The following CACNA2D3 variants were observed in gnomAD, a reference collection of about 807,000 sequenced individuals.
CACNA2D3 encodes calcium voltage-gated channel auxiliary subunit alpha2delta 3, also known as voltage-dependent calcium channel subunit alpha-2/delta-3.
CACNA2D3 carries 60 observed loss-of-function variants against 160.6 expected under a neutral mutation model. The observed-to-expected ratio is 0.37, with a 90% CI of 0.30 to 0.46. The LOEUF (loss-of-function observed/expected upper bound fraction) is 0.46. CACNA2D3 is among the 20% of genes least tolerant of loss of function. CACNA2D3 has a pLI of 1.00. For missense variants in CACNA2D3, 1,205 were observed against 1,365.0 expected, an observed-to-expected ratio of 0.88 and a Z score of 1.85; for synonymous variants, 558 against 492.9, an observed-to-expected ratio of 1.13 and a Z score of -1.75.
intron 27 of CACNA2D3, among the ~76,000 whole-genome samples, chr3:54,940,016 A>G (rs1701427813): frequency 1.3e-5 from 2 of 151,838 alleles, no homozygotes; most frequent in South Asian, 2.1e-4. Flanking sequence ...GCAGATGAGC[A>G]TCTCAGAAAG....
At chr3:54,925,203 A>C in intron 27 of CACNA2D3, 1 of 1,611,550 alleles carries the variant, frequency 6.2e-7, no homozygotes, top group Non-Finnish European at 8.5e-7. Flanking sequence ...ACTGGAAAAC[A>C]GGAGCAGTTC....
intron 13 of CACNA2D3, among the ~76,000 whole-genome samples, chr3:54,800,665 C>T (rs1702964123): frequency 1.3e-5 from 2 of 152,186 alleles, no homozygotes; most frequent in Admixed American, 1.3e-4. Flanking sequence ...CATTTTTCAG[C>T]ATCTCAAAGA....
intron 34 of CACNA2D3, among the ~76,000 whole-genome samples, chr3:55,017,331 G>A (rs1375041273): frequency 6.6e-6 from 1 of 152,154 alleles, no homozygotes; most frequent in Non-Finnish European, 1.5e-5. Flanking sequence ...TTACTTCAGA[G>A]CCTTCACCCT....
intron 2 of CACNA2D3, among the ~76,000 whole-genome samples, chr3:54,142,363 G>C (rs1699953185): frequency 6.6e-6 from 1 of 152,164 alleles, no homozygotes; most frequent in Non-Finnish European, 1.5e-5. Context: ...GAGCTTTTCA[G>C]TTCCTGCTAT....
intron 5 of CACNA2D3, among the ~76,000 whole-genome samples, chr3:54,507,846 T>C (rs1701396689): frequency 6.6e-6 from 1 of 152,158 alleles, no homozygotes; most frequent in Admixed American, 6.5e-5. Context: ...GTTTTCCTCA[T>C]CCCTAAGCTG....
Position 54,163,807 on chromosome 3 carries a change from C to T in CACNA2D3, c.204+40213C>T, listed in dbSNP as rs184016638. On this transcript the variant is annotated intron_variant, in intron 2 of 37. Transcript: ENST00000474759. Reference sequence around the variant, plus strand: ...TCCCCAGAGTGACGGCATGCGGAGGCGTCAATGCATCTACCTCCAGCACAC... The same window carrying T: ...TCCCCAGAGTGACGGCATGCGGAGGTGTCAATGCATCTACCTCCAGCACAC... Among the ~76,000 whole-genome samples the T allele has an allele frequency of 8.0e-4, 122 of 152,240 alleles. 3 individuals carry two copies. In the South Asian group the frequency reaches 0.024, roughly 30 times the overall value.
chr3:54,719,519 A>G (rs1268817548), intron 11 of CACNA2D3, among the ~76,000 whole-genome samples: 3 of 152,062 alleles, frequency 2.0e-5, no homozygotes, highest in Non-Finnish European at 2.9e-5. Flanking sequence ...TTGTCATAAT[A>G]TATTAAACTT....
intron 17 of CACNA2D3, among the ~76,000 whole-genome samples, chr3:54,871,158 T>C (rs1699517931): frequency 6.9e-6 from 1 of 144,716 alleles, no homozygotes; most frequent in African/African-American, 2.6e-5. Flanking sequence ...TTTACATTGT[T>C]TACATGTATA....
At chr3:55,011,540 T>C (rs776279901) in intron 34 of CACNA2D3, among the ~76,000 whole-genome samples, 2 of 151,744 alleles carry the variant, frequency 1.3e-5, no homozygotes, top group African/African-American at 2.4e-5. Flanking sequence ...AAAATGATTC[T>C]GTTTCTGAAA....
intron 3 of CACNA2D3, among the ~76,000 whole-genome samples, chr3:54,385,649 T>C (rs1329506866): frequency 6.6e-6 from 1 of 152,204 alleles, no homozygotes; most frequent in Non-Finnish European, 1.5e-5. Flanking sequence ...TACCCGAATG[T>C]ATTTCAGCCT....
At chr3:54,863,721 TTA>T (rs750742754) in intron 17 of CACNA2D3, among the ~76,000 whole-genome samples, 10 of 150,954 alleles carry the variant, frequency 6.6e-5, no homozygotes, top group Admixed American at 1.3e-4. Context: ...TTGTTTTTTT[TTA>T]AAAAAAAAAT....
chr3:55,033,833 T>TTTA (rs1703748710), intron 35 of CACNA2D3, among the ~76,000 whole-genome samples: 1 of 111,688 alleles, frequency 9.0e-6, no homozygotes, highest in African/African-American at 4.2e-5. Flanking sequence ...ATATTTAATA[T>TTTA]ATAATATATA....
At chr3:55,058,181 G>A (rs927257936) in intron 35 of CACNA2D3, among the ~76,000 whole-genome samples, 1 of 152,178 alleles carries the variant, frequency 6.6e-6, no homozygotes, top group Non-Finnish European at 1.5e-5. Flanking sequence ...GAATTATTTG[G>A]AGCATTGATT....
intron 3 of CACNA2D3, among the ~76,000 whole-genome samples, chr3:54,336,512 A>T (rs1476170015): frequency 6.6e-6 from 1 of 152,134 alleles, no homozygotes; most frequent in African/African-American, 2.4e-5. Context: ...TACCTGTGGG[A>T]GCCCAAGGGT....
intron 31 of CACNA2D3, among the ~76,000 whole-genome samples, chr3:54,990,593 T>C (rs1322626441): frequency 1.3e-5 from 2 of 152,076 alleles, no homozygotes; most frequent in African/African-American, 2.4e-5. Context: ...CAAACCATCT[T>C]CTCCAGAAAG....
chr3:54,791,417 C>G (rs1269307612), intron 13 of CACNA2D3, among the ~76,000 whole-genome samples: 1 of 152,186 alleles, frequency 6.6e-6, no homozygotes, highest in Admixed American at 6.5e-5. Context: ...GAAATGCAAG[C>G]TAAGTTCATA....
intron 2 of CACNA2D3, among the ~76,000 whole-genome samples, chr3:54,230,019 G>A (rs1701740684): frequency 6.6e-6 from 1 of 151,974 alleles, no homozygotes; most frequent in African/African-American, 2.4e-5. Flanking sequence ...AAAATGTTAT[G>A]CAAGTAGGAA....
At chr3:54,257,514 G>T (rs1702319802) in intron 2 of CACNA2D3, among the ~76,000 whole-genome samples, 1 of 151,800 alleles carries the variant, frequency 6.6e-6, no homozygotes, top group Non-Finnish European at 1.5e-5. Flanking sequence ...GCTTTTAGGT[G>T]TCAGCAATGT....
intron 2 of CACNA2D3, among the ~76,000 whole-genome samples, chr3:54,224,597 G>A (rs1315996890): frequency 6.6e-6 from 1 of 152,146 alleles, no homozygotes; most frequent in African/African-American, 2.4e-5. Flanking sequence ...TGACTAAAAT[G>A]TTGCTATGCA....
Sources: gnomAD v4.1 joint callset for allele counts (sites outside exome capture counted in the v4.1 genomes callset) on GRCh38, gnomAD v4.1.1 for gene constraint, MANE v1.5 for transcripts, NCBI Gene and HGNC (gene_info 2026-07-23, HGNC 2026-07-21) for gene names.